The following TG variants were observed in gnomAD, a reference collection of about 807,000 sequenced individuals.
TG encodes the protein thyroglobulin.
Under a neutral mutation model 324.7 loss-of-function variants are expected in TG, and 270 were observed. That is an observed-to-expected ratio of 0.83 (90% confidence interval 0.75 to 0.92). The LOEUF is 0.92. Ranked by LOEUF, TG falls within the 40% of genes least tolerant of loss-of-function variation. The pLI is 0.00. For synonymous variants in TG, 1,401 were observed against 1,327.0 expected (o/e 1.06, Z -1.21); for missense variants, 3,591 against 3,456.4 (o/e 1.04, Z -0.98).
In TG at chr8:133,030,012, G is replaced by A. The variant is rs777769800; in HGVS notation, c.7228G>A (p.Ala2410Thr). The part of the protein sequence containing the change: ...RATNSQLFRR[A>T]VLMGGSALSP... ...CACCAACTCCCAACTTTTCCGGAGA[G>A]CTGTGCTGATGGTAAGTGGTGTGTG... The change falls in exon 41 of 48, where the codon GCT (alanine) becomes ACT (threonine). Residue 2410 changes from alanine to threonine, a missense_variant. Physicochemically the swap from Ala to Thr is moderately conservative, Grantham distance 58 (BLOSUM62 0). Coordinates refer to ENST00000220616, the MANE Select transcript of TG (RefSeq NM_003235.5). 1.2e-6 allele frequency: 2 copies of A among 1,614,130 alleles called. No individual in the cohort carries two copies. Among genetic ancestry groups the A allele is most frequent in the African/African-American group, 2.7e-5 (2 of 74,952 alleles).
Position 132,913,108 on chromosome 8 carries a change from A to C in TG, c.4221A>C (p.Ser1407=). The C allele has an allele frequency of 6.2e-7, 1 of 1,614,222 alleles. No homozygotes were observed. Among genetic ancestry groups the C allele is most frequent in the South Asian group, 1.1e-5 (1 of 91,086 alleles). The change falls in exon 20 of 48, where the codon TCA becomes TCC. Residue 1407 remains serine, a synonymous_variant. Transcript: ENST00000220616. ...TCACAGATCTGATCCAGAGTGGCTC[A>C]TTCCAGCTTCATCTGGACTCCAAGA... ...GRFTDLIQSG[S]FQLHLDSKTF...
chr8:132,995,706 A>C (rs1832810982), intron 35 of TG, among the ~76,000 whole-genome samples: 1 of 152,146 alleles, frequency 6.6e-6, no homozygotes. Context: ...TAGGAGTCAA[A>C]CTTCTTAGAG....
Position 132,887,073 on chromosome 8 carries a change from C to G in TG, c.1701C>G (p.Phe567Leu), listed in dbSNP as rs1458885155. ...NLQENQNALK[F>L]LASLLELPEF... ...AAGAGAACCAAAATGCCCTCAAATT[C>G]CTTGCTTCTCTCCTGGAGCTTCCAG... The change falls in exon 9 of 48, where the codon TTC becomes TTG. Residue 567 changes from phenylalanine (F) to leucine (L), a missense_variant. By Grantham distance (22) the Phe-to-Leu change is conservative. Coordinates refer to ENST00000220616, the MANE Select transcript of TG (RefSeq NM_003235.5). 6.2e-7 allele frequency: 1 copy of G among 1,614,190 alleles called. No homozygotes were observed.
chr8:132,929,809 T>C (rs1822429456), intron 23 of TG, among the ~76,000 whole-genome samples: 1 of 152,168 alleles, frequency 6.6e-6, no homozygotes, highest in African/African-American at 2.4e-5. Flanking sequence ...CAAAACCACT[T>C]GCATCCTAAA....
chr8:133,100,387 A>C (rs1426353555), intron 43 of TG, among the ~76,000 whole-genome samples: 1 of 152,152 alleles, frequency 6.6e-6, no homozygotes, highest in African/African-American at 2.4e-5. Flanking sequence ...TTCTTCCCCA[A>C]CTAGAATGTT....
intron 41 of TG, among the ~76,000 whole-genome samples, chr8:133,034,710 C>T (rs934500767): frequency 6.6e-6 from 1 of 152,166 alleles, no homozygotes; most frequent in African/African-American, 2.4e-5. Context: ...CCAGGTGTCT[C>T]TGGATCACTC....
In TG at chr8:132,987,834, C is replaced by T. The variant is rs111954334; in HGVS notation, c.6262+4422C>T. Reference sequence around the variant, plus strand: ...CTCTCTGGAAAGACTTTCTAAAACTCACCTGCCTGCTAAACTGGTGCCTTC... The same window carrying T: ...CTCTCTGGAAAGACTTTCTAAAACTTACCTGCCTGCTAAACTGGTGCCTTC... On this transcript the variant is annotated intron_variant, in intron 35 of 47. Transcript: ENST00000220616. 2.0e-3 allele frequency among the ~76,000 whole-genome samples: 297 copies of T among 152,152 alleles called. 1 individual carries two copies. Among genetic ancestry groups the T allele is most frequent in the Non-Finnish European group, 3.7e-3 (250 of 68,014 alleles).
chr8:132,933,752 G>T, intron 24 of TG, 76 bp downstream of exon 24: 1 of 1,333,450 alleles, frequency 7.5e-7, no homozygotes, highest in Non-Finnish European at 1.1e-6. Context: ...GCGGGCAGCA[G>T]GCTGGCCAGG....
rs1839334999 is a variant in TG, at chr8:132,870,005, C to T, written c.274+179C>T. Reference sequence around the variant, plus strand: ...GAAGGCCCTATTTCCTGCAGGGCCACTGTGAAAGTCCAGTCATTTGTTCAA... The same window carrying T: ...GAAGGCCCTATTTCCTGCAGGGCCATTGTGAAAGTCCAGTCATTTGTTCAA... On this transcript the variant is annotated intron_variant, in intron 3 of 47. Transcript: ENST00000220616. Among the ~76,000 whole-genome samples, 4 of 152,334 alleles carry T rather than the reference C, an allele frequency of 2.6e-5. No homozygotes were observed. In the South Asian group the frequency reaches 8.3e-4, roughly 32 times the overall value.
chr8:132,885,760 G>A (rs1032069102), intron 8 of TG, among the ~76,000 whole-genome samples: 2 of 152,122 alleles, frequency 1.3e-5, no homozygotes, highest in African/African-American at 4.8e-5. Flanking sequence ...CCTAGTTCTG[G>A]AGGCCAGAAG....
rs149722903 is a variant in TG, at chr8:133,064,721, G to T, written c.7240-30323G>T. ...CCTCCTCTTAATAGGTTTCTGTTTC[G>T]CAGATCTGGGTCCTTTCATTGTGTG... On this transcript the variant is annotated intron_variant, in intron 41 of 47. Coordinates refer to ENST00000220616, the MANE Select transcript of TG (RefSeq NM_003235.5). 7.9e-5 allele frequency among the ~76,000 whole-genome samples: 12 copies of T among 152,294 alleles called. No individual in the cohort carries two copies. The South Asian group carries it at 2.1e-3, about 26-fold the overall frequency.
chr8:133,103,048 G>A (rs1849465464), intron 43 of TG: 1 of 163,850 alleles, frequency 6.1e-6, no homozygotes, highest in African/African-American at 2.4e-5. Context: ...TTTCCAGTGT[G>A]TGTGTGATTT....
At chr8:132,905,243 T>C (rs993567157) in intron 16 of TG, among the ~76,000 whole-genome samples, 1 of 152,170 alleles carries the variant, frequency 6.6e-6, no homozygotes, top group Non-Finnish European at 1.5e-5. Context: ...AACTAGTGAA[T>C]ATTAGGGCCA....
Position 132,873,159 on chromosome 8 carries a change from C to G in TG, c.576C>G (p.Val192=), listed in dbSNP as rs1282214293. 1 of 1,614,102 alleles carries G rather than the reference C, an allele frequency of 6.2e-7. No individual in the cohort carries two copies. The highest frequency in any genetic ancestry group is 8.5e-7 in the Non-Finnish European group (1 of 1,180,024). ...CTGCGGAGGGAGAGTTTATGCCTGT[C>G]CAGTGCAAATTTGTCAACACCACAG... The part of the protein sequence containing the change: ...QCSAEGEFMP[V]QCKFVNTTDM... Residue 192 remains valine, a synonymous_variant, in exon 5 of 48, where the codon GTC becomes GTG. Coordinates refer to ENST00000220616, the MANE Select transcript of TG (RefSeq NM_003235.5).
At chr8:133,082,434 C>T (rs1299490173) in intron 41 of TG, among the ~76,000 whole-genome samples, 1 of 152,202 alleles carries the variant, frequency 6.6e-6, no homozygotes, top group Non-Finnish European at 1.5e-5. Flanking sequence ...TGCAAACTTT[C>T]TTAAGGCCTT....
Position 132,888,123 on chromosome 8 carries a change from G to A in TG, c.2316G>A (p.Val772=). ...GCACCGATGGGCAGTGGAGACAAGTGCAATGCAATGGGCCTCCTGAGCAGG... is the reference window on the plus strand; with the variant it reads ...GCACCGATGGGCAGTGGAGACAAGTACAATGCAATGGGCCTCCTGAGCAGG... The part of the protein sequence containing the change: ...QCSTDGQWRQ[V]QCNGPPEQVF... The change falls in exon 10 of 48, where the codon GTG becomes GTA. Residue 772 remains valine, a synonymous_variant. Transcript: ENST00000220616. 1.2e-6 allele frequency: 2 copies of A among 1,614,112 alleles called. No homozygotes were observed. The highest frequency in any genetic ancestry group is 1.3e-5 in the African/African-American group (1 of 75,046).
intron 19 of TG, among the ~76,000 whole-genome samples, chr8:132,911,897 C>A (rs1300373375): frequency 6.6e-6 from 1 of 152,156 alleles, no homozygotes; most frequent in Non-Finnish European, 1.5e-5. Flanking sequence ...ACATTTCAGA[C>A]CACTTACACC....
intron 26 of TG, among the ~76,000 whole-genome samples, chr8:132,946,346 T>C (rs1388325793): frequency 2.0e-5 from 3 of 152,174 alleles, no homozygotes; most frequent in Non-Finnish European, 2.9e-5. Flanking sequence ...TGCTTTTCCC[T>C]CCAAGTTTAA....
At position 132,891,054 on chromosome 8, in the gene TG, G is replaced by A. The variant is rs530385445; in HGVS notation, c.2761+2486G>A. ...ATCAGGAAAGTAATAAATGGCAATGGTGGAACAGAGGTATGTACGTGGAAA... is the reference window on the plus strand; with the variant it reads ...ATCAGGAAAGTAATAAATGGCAATGATGGAACAGAGGTATGTACGTGGAAA... On this transcript the variant is annotated intron_variant, in intron 10 of 47. Transcript: ENST00000220616. 5.9e-5 allele frequency among the ~76,000 whole-genome samples: 9 copies of A among 152,332 alleles called. No homozygotes were observed. In the East Asian group the frequency reaches 1.7e-3, roughly 29 times the overall value.
Sources: gnomAD v4.1 joint callset for allele counts (sites outside exome capture counted in the v4.1 genomes callset) on GRCh38, gnomAD v4.1.1 for gene constraint, MANE v1.5 for transcripts, NCBI Gene and HGNC (gene_info 2026-07-23, HGNC 2026-07-21) for gene names.